The following GPM6A variants were observed in gnomAD, a reference collection of about 807,000 sequenced individuals.
GPM6A encodes the protein neuronal membrane glycoprotein M6-a.
Under a neutral mutation model 32.1 loss-of-function variants are expected in GPM6A, and 7 were observed. That is an observed-to-expected ratio of 0.22 (90% confidence interval 0.12 to 0.41). GPM6A has a LOEUF of 0.41. Among genes scored for constraint, GPM6A ranks in the 10% least tolerant of loss-of-function variants. The pLI is 1.00. For missense variants in GPM6A, 235 were observed against 347.2 expected (o/e 0.68, Z 2.57); for synonymous variants, 130 against 123.4 (o/e 1.05, Z -0.35).
intron 2 of GPM6A, among the ~76,000 whole-genome samples, chr4:175,681,249 C>G (rs1743670784): frequency 6.6e-6 from 1 of 152,180 alleles, no homozygotes; most frequent in Non-Finnish European, 1.5e-5. Context: ...TCCCCATCCT[C>G]AACAGAAGAA....
At chr4:175,823,949 C>A (rs893472215) in intron 1 of GPM6A, among the ~76,000 whole-genome samples, 1 of 152,168 alleles carries the variant, frequency 6.6e-6, no homozygotes, top group Admixed American at 6.5e-5. Context: ...TCCTTTCTTA[C>A]TTCTGAGAGA....
chr4:175,884,812 G>A (rs1012442606), intron 1 of GPM6A, among the ~76,000 whole-genome samples: 1 of 152,050 alleles, frequency 6.6e-6, no homozygotes, highest in Non-Finnish European at 1.5e-5. Flanking sequence ...GGGATTACAG[G>A]GGTTAGCCAC....
chr4:175,664,828 A>G (rs1487046915), intron 3 of GPM6A, among the ~76,000 whole-genome samples: 1 of 152,212 alleles, frequency 6.6e-6, no homozygotes, highest in Non-Finnish European at 1.5e-5. Context: ...TGAGAAATTC[A>G]TCATTAGGCA....
intron 3 of GPM6A, among the ~76,000 whole-genome samples, chr4:175,665,029 A>G (rs1023623741): frequency 6.6e-6 from 1 of 152,202 alleles, no homozygotes; most frequent in Non-Finnish European, 1.5e-5. Context: ...ATATCTAACC[A>G]TAGAAAAAGT....
intron 1 of GPM6A, among the ~76,000 whole-genome samples, chr4:175,912,843 G>A (rs1363876590): frequency 6.6e-6 from 1 of 152,154 alleles, no homozygotes; most frequent in African/African-American, 2.4e-5. Context: ...AATAAGGCAA[G>A]AGCATAATAC....
At chr4:175,819,124 A>G (rs1178281444) in intron 1 of GPM6A, among the ~76,000 whole-genome samples, 1 of 152,230 alleles carries the variant, frequency 6.6e-6, no homozygotes, top group Non-Finnish European at 1.5e-5. Context: ...TTCCCATAAA[A>G]CATGGCAGAA....
chr4:175,770,295 G>T (rs368318793), intron 1 of GPM6A, among the ~76,000 whole-genome samples: 2 of 152,180 alleles, frequency 1.3e-5, no homozygotes, highest in South Asian at 4.1e-4. Flanking sequence ...CAAAGTGCTG[G>T]GGTTACAGGC....
chr4:175,669,039 C>A (rs961707585), intron 3 of GPM6A, among the ~76,000 whole-genome samples: 14 of 152,144 alleles, frequency 9.2e-5, no homozygotes, highest in African/African-American at 3.4e-4. Flanking sequence ...GCTTCTTCAT[C>A]TCTGAAATGA....
At chr4:175,714,072 G>A (rs568983705) in intron 1 of GPM6A, among the ~76,000 whole-genome samples, 3 of 152,084 alleles carry the variant, frequency 2.0e-5, no homozygotes, top group Non-Finnish European at 4.4e-5. Flanking sequence ...ATCACCAGGG[G>A]TGCTGTCAAA....
At chr4:175,770,383 T>G (rs560285035) in intron 1 of GPM6A, among the ~76,000 whole-genome samples, 2 of 152,318 alleles carry the variant, frequency 1.3e-5, no homozygotes, top group African/African-American at 4.8e-5. Flanking sequence ...CTTTAATCTC[T>G]TAGCTCTTAA....
At chr4:175,768,419 A>G (rs1001491859) in intron 1 of GPM6A, among the ~76,000 whole-genome samples, 7 of 152,160 alleles carry the variant, frequency 4.6e-5, no homozygotes, top group Admixed American at 1.3e-4. Context: ...CTTGGATGCC[A>G]TTTATTGCAA....
At chr4:175,934,278 T>C (rs540855737) in intron 1 of GPM6A, among the ~76,000 whole-genome samples, 2 of 152,314 alleles carry the variant, frequency 1.3e-5, no homozygotes, top group South Asian at 4.1e-4. Flanking sequence ...TTACTGTCTT[T>C]TGTAAACCAC....
chr4:175,696,659 G>GT (rs150927126), intron 2 of GPM6A, among the ~76,000 whole-genome samples: 7,599 of 152,264 alleles, frequency 0.05, 218 homozygotes, highest in Non-Finnish European at 0.063. Flanking sequence ...AACCATTGTT[G>GT]GAGTAGAATT....
At chr4:175,787,413 C>G (rs1733845379) in intron 1 of GPM6A, 1 of 1,533,046 alleles carries the variant, frequency 6.5e-7, no homozygotes, top group South Asian at 1.2e-5. Flanking sequence ...GATTCAAGGG[C>G]ATAAGCTCTC....
chr4:175,933,363 T>C (rs1343408960), intron 1 of GPM6A, among the ~76,000 whole-genome samples: 2 of 152,174 alleles, frequency 1.3e-5, no homozygotes, highest in East Asian at 1.9e-4. Flanking sequence ...AGTGAAGATA[T>C]TAGAGTAACA....
At chr4:175,843,637 A>G (rs1045271102) in intron 1 of GPM6A, among the ~76,000 whole-genome samples, 2 of 152,184 alleles carry the variant, frequency 1.3e-5, no homozygotes, top group African/African-American at 4.8e-5. Context: ...CTATGCTTAG[A>G]AGAAACCACC....
chr4:175,870,980 T>C (rs1298272291), intron 1 of GPM6A, among the ~76,000 whole-genome samples: 1 of 152,072 alleles, frequency 6.6e-6, no homozygotes, highest in East Asian at 1.9e-4. Flanking sequence ...ATTATTATTA[T>C]CTTAATCATG....
intron 1 of GPM6A, among the ~76,000 whole-genome samples, chr4:175,843,961 A>T (rs1166184808): frequency 7.9e-5 from 12 of 152,020 alleles, no homozygotes; most frequent in Admixed American, 4.6e-4. Flanking sequence ...AATCCACCCC[A>T]CCTTTGCTAT....
chr4:175,704,625 A>G (rs79321524), intron 1 of GPM6A, among the ~76,000 whole-genome samples: 7,196 of 152,296 alleles, frequency 0.047, 206 homozygotes, highest in Non-Finnish European at 0.065. Flanking sequence ...ATGTAGAGCT[A>G]TCCCTATTTT....
Sources: gnomAD v4.1 joint callset for allele counts (sites outside exome capture counted in the v4.1 genomes callset) on GRCh38, gnomAD v4.1.1 for gene constraint, MANE v1.5 for transcripts, NCBI Gene and HGNC (gene_info 2026-07-23, HGNC 2026-07-21) for gene names.